The following VPS41 variants were observed in gnomAD, a reference collection of about 807,000 sequenced individuals.
VPS41 encodes VPS41 subunit of HOPS complex.
VPS41 carries 85 observed loss-of-function variants against 130.9 expected under a neutral mutation model. That is an observed-to-expected ratio of 0.65 (90% CI 0.55 to 0.78). The LOEUF (loss-of-function observed/expected upper bound fraction) is 0.78, where lower values mean the gene tolerates loss of function less well. VPS41 is among the 30% of genes least tolerant of loss of function. The pLI is 0.00. For missense variants in VPS41, 874 were observed against 1,018.7 expected (o/e 0.86, Z 1.93); for synonymous variants, 335 against 332.9 (o/e 1.01, Z -0.07).
At chr7:38,796,657 G>C in intron 8 of VPS41, 88 bp downstream of exon 8, 1 of 1,586,980 alleles carries the variant, frequency 6.3e-7, no homozygotes, top group Admixed American at 1.7e-5. Flanking sequence ...ACAGCAAGTG[G>C]CATCTTTTCC....
At position 38,726,030 on chromosome 7, in the gene VPS41, A is replaced by T; in HGVS notation, c.*216T>A. ...ACAAATAAATAACAAAATATTCACT[A>T]TGGACCCCAAAATTTCAAGGCATGA... On this transcript the variant is annotated 3_prime_UTR_variant, in exon 29 of 29. Coordinates refer to ENST00000310301, the MANE Select transcript of VPS41 (RefSeq NM_014396.4). 1.9e-6 allele frequency: 1 copy of T among 522,764 alleles called. No individual in the cohort carries two copies. The highest frequency in any genetic ancestry group is 2.9e-5 in the South Asian group (1 of 33,904). 32.4% of individuals were successfully genotyped at this position (522,764 alleles called of 1,614,324 possible). A position where few individuals can be genotyped will look rare whatever the true frequency, so the allele number is the denominator to read the frequency against.
At chr7:38,825,598 A>G (rs905746556) in intron 5 of VPS41, among the ~76,000 whole-genome samples, 1 of 152,124 alleles carries the variant, frequency 6.6e-6, no homozygotes, top group African/African-American at 2.4e-5. Flanking sequence ...TGAAAACGGT[A>G]TCTCCTGTAG....
intron 5 of VPS41, 22 bp downstream of exon 5, chr7:38,830,232 C>A (rs180773786): frequency 2.9e-4 from 447 of 1,565,596 alleles, no homozygotes; most frequent in Non-Finnish European, 3.6e-4. Flanking sequence ...GAACTCTCTG[C>A]ATGACCACAT....
intron 23 of VPS41, among the ~76,000 whole-genome samples, chr7:38,744,028 G>A (rs1795937621): frequency 6.6e-6 from 1 of 152,156 alleles, no homozygotes; most frequent in Non-Finnish European, 1.5e-5. Flanking sequence ...TGAGGTAGCT[G>A]TGCATACTGC....
chr7:38,763,921 G>A (rs1783973495), intron 16 of VPS41, among the ~76,000 whole-genome samples: 1 of 152,068 alleles, frequency 6.6e-6, no homozygotes, highest in Admixed American at 6.5e-5. Context: ...CCTTCAACTG[G>A]AGTTTACCAA....
chr7:38,743,214 G>A (rs1031242191), intron 24 of VPS41, among the ~76,000 whole-genome samples, 188 bp downstream of exon 24: 3 of 152,208 alleles, frequency 2.0e-5, no homozygotes, highest in Non-Finnish European at 4.4e-5. Flanking sequence ...AATGCAAAGT[G>A]ATGAGGCTCC....
intron 9 of VPS41, among the ~76,000 whole-genome samples, chr7:38,790,980 T>C (rs190654343): frequency 1.6e-4 from 24 of 152,336 alleles, no homozygotes; most frequent in Non-Finnish European, 2.9e-5. Context: ...TTTTGTTTTT[T>C]AATATACGTA....
At chr7:38,814,934 T>C (rs1327585812) in intron 7 of VPS41, among the ~76,000 whole-genome samples, 1 of 152,186 alleles carries the variant, frequency 6.6e-6, no homozygotes, top group Non-Finnish European at 1.5e-5. Context: ...GCAGACATCT[T>C]AGAACCTGAC....
chr7:38,752,336 C>G (rs1426904483), intron 21 of VPS41, 23 bp from the exon 22 acceptor site: 5 of 1,612,526 alleles, frequency 3.1e-6, no homozygotes, highest in Non-Finnish European at 4.2e-6. Flanking sequence ...AAAGATAAGC[C>G]GTGACCCATT....
chr7:38,791,352 T>C (rs6462864), intron 9 of VPS41, among the ~76,000 whole-genome samples: 86,329 of 152,010 alleles, frequency 0.57, 25,198 homozygotes, highest in East Asian at 0.88. Flanking sequence ...TTTCAAATGG[T>C]TTGAAGTATA....
intron 2 of VPS41, among the ~76,000 whole-genome samples, chr7:38,877,704 T>C (rs1204587503): frequency 6.6e-6 from 1 of 152,002 alleles, no homozygotes; most frequent in Non-Finnish European, 1.5e-5. Context: ...CAAGAAAAAT[T>C]AGATAAAGAT....
At chr7:38,752,389 C>G (rs985081526) in intron 21 of VPS41, 76 bp from the exon 22 acceptor site, 14 of 1,554,462 alleles carry the variant, frequency 9.0e-6, no homozygotes, top group African/African-American at 2.7e-5. Flanking sequence ...CTATTTTTAG[C>G]TCTAAACACC....
At chr7:38,858,473 A>T (rs1404280011) in intron 4 of VPS41, among the ~76,000 whole-genome samples, 1 of 152,190 alleles carries the variant, frequency 6.6e-6, no homozygotes, top group Non-Finnish European at 1.5e-5. Context: ...CATGGCCTGA[A>T]CTAGTTTTTC....
rs1446995082 is a variant in VPS41 at position 38,728,544 on chromosome 7, G to A, written c.2402C>T (p.Ser801Leu). Residue 801 changes from serine to leucine, a missense_variant and splice_region_variant, in exon 27 of 29, where the codon TCA becomes TTA. Ser to Leu is a moderately radical substitution (Grantham distance 145). Coordinates refer to ENST00000310301, the MANE Select transcript of VPS41 (RefSeq NM_014396.4). ...TTTTTTGGGGAAAACCTTCTTACCT[G>A]ATGGAAGAATAGGGGAAAGGCACGA... ...CESCLSPILP[S>L]DAAKPFSVVV... The A allele has an allele frequency of 6.2e-7, 1 of 1,613,998 alleles. No homozygotes were observed. The highest frequency in any genetic ancestry group is 2.2e-5 in the East Asian group (1 of 44,894).
intron 9 of VPS41, 107 bp from the exon 10 acceptor site, chr7:38,789,974 A>ATTGTACTCCATC: frequency 9.6e-7 from 1 of 1,043,250 alleles, no homozygotes; most frequent in Non-Finnish European, 1.5e-6. Context: ...AGCACTGCAG[A>ATTGTACTCCATC]TGGAGTACAA....
intron 5 of VPS41, among the ~76,000 whole-genome samples, chr7:38,822,412 T>TA (rs1785189170): frequency 6.6e-6 from 1 of 152,246 alleles, no homozygotes; most frequent in Non-Finnish European, 1.5e-5. Context: ...TAGAATTTTG[T>TA]AAGTAAGGAA....
chr7:38,882,809 C>G (rs1475915650), intron 2 of VPS41, among the ~76,000 whole-genome samples: 1 of 152,196 alleles, frequency 6.6e-6, no homozygotes, highest in African/African-American at 2.4e-5. Flanking sequence ...CCTTCATCGC[C>G]TCTAGCCCAG....
intron 3 of VPS41, among the ~76,000 whole-genome samples, chr7:38,863,650 G>A (rs1786166890): frequency 6.6e-6 from 1 of 152,148 alleles, no homozygotes; most frequent in Non-Finnish European, 1.5e-5. Context: ...CCCCTGCAAT[G>A]CCTTTCACTC....
chr7:38,759,530 G>T (rs1424752927), intron 17 of VPS41, among the ~76,000 whole-genome samples: 1 of 152,184 alleles, frequency 6.6e-6, no homozygotes, highest in East Asian at 1.9e-4. Flanking sequence ...ATGGGTCTGG[G>T]TGTGGTGAAG....
Sources: allele counts gnomAD v4.1 joint callset (sites outside exome capture counted in the v4.1 genomes callset), GRCh38; gene constraint gnomAD v4.1.1; transcripts MANE v1.5; gene names NCBI Gene and HGNC (gene_info 2026-07-23, HGNC 2026-07-21).